The following RGS22 variants were observed in gnomAD, a reference collection of about 807,000 sequenced individuals.
RGS22 encodes regulator of G protein signaling 22, also known as regulator of G-protein signaling 22.
In RGS22, 148 loss-of-function variants were observed where a neutral mutation model predicts 172.9. The observed-to-expected ratio is 0.86, with a 90% CI of 0.75 to 0.98. The LOEUF (loss-of-function observed/expected upper bound fraction) is 0.98. RGS22 is among the 50% of genes least tolerant of loss of function. RGS22 has a pLI of 0.00. For synonymous variants in RGS22, 458 were observed against 480.2 expected, an observed-to-expected ratio of 0.95 and a Z score of 0.60; for missense variants, 1,347 against 1,440.8, an observed-to-expected ratio of 0.93 and a Z score of 1.05.
intron 21 of RGS22, 115 bp from the exon 22 acceptor site, chr8:99,982,231 G>A: frequency 1.3e-6 from 1 of 764,484 alleles, no homozygotes; most frequent in Non-Finnish European, 2.0e-6. Context: ...AGGTCAAGAA[G>A]GCAGTGGGAT....
intron 14 of RGS22, among the ~76,000 whole-genome samples, chr8:100,017,143 A>T (rs535793506): frequency 1.3e-5 from 2 of 151,540 alleles, no homozygotes; most frequent in Admixed American, 6.6e-5. Context: ...ACTAATTTTT[A>T]AAAAATATTT....
At chr8:100,104,295 G>C (rs1260815871) in intron 2 of RGS22, among the ~76,000 whole-genome samples, 1 of 151,550 alleles carries the variant, frequency 6.6e-6, no homozygotes, top group Non-Finnish European at 1.5e-5. Flanking sequence ...CTCCAGCCTG[G>C]GTGACAGAGA....
chr8:100,057,649 T>A (rs1185791237), intron 9 of RGS22, among the ~76,000 whole-genome samples: 1 of 152,180 alleles, frequency 6.6e-6, no homozygotes. Flanking sequence ...ATGTAAGACA[T>A]CCCTTTGCTC....
intron 9 of RGS22, among the ~76,000 whole-genome samples, chr8:100,059,141 A>G (rs1474035345): frequency 6.6e-6 from 1 of 152,164 alleles, no homozygotes; most frequent in Non-Finnish European, 1.5e-5. Context: ...AAAACATACA[A>G]TGGATACACA....
chr8:100,054,303 A>T (rs1822017629), intron 9 of RGS22: 1 of 153,556 alleles, frequency 6.5e-6, no homozygotes, highest in Non-Finnish European at 1.5e-5. Context: ...CCTTTAAAAT[A>T]GGAAGAATGA....
intron 2 of RGS22, among the ~76,000 whole-genome samples, chr8:100,102,279 G>T (rs983241409): frequency 2.0e-5 from 3 of 152,108 alleles, no homozygotes; most frequent in African/African-American, 7.2e-5. Context: ...ACATCGTATT[G>T]GCCAGAATTT....
At chr8:100,093,241 C>A in intron 3 of RGS22, 3 of 452,420 alleles carry the variant, frequency 6.6e-6, no homozygotes, top group African/African-American at 2.0e-5. Context: ...GTTAGAAAAA[C>A]TCCAGATTTC....
rs1386167478 is a variant in RGS22, at chr8:100,066,250, C to T, written c.641G>A (p.Ser214Asn). ...TKDWFALAKQ[S>N]QQTVSTFSLP... ...CGAAAAGGTTGATACTGTTTGCTGA[C>T]TTTGTTTTGCTAATGCAAACCAATC... The change falls in exon 7 of 28, where the codon AGT (serine) becomes AAT (asparagine). Residue 214 changes from serine to asparagine, a missense_variant. Transcript: ENST00000360863. The T allele has an allele frequency of 1.9e-6, 3 of 1,613,296 alleles. No individual in the cohort carries two copies. Among genetic ancestry groups the T allele is most frequent in the Admixed American group, 1.7e-5 (1 of 59,994 alleles).
At chr8:99,987,195 G>A (rs533518477) in intron 21 of RGS22, among the ~76,000 whole-genome samples, 2 of 152,236 alleles carry the variant, frequency 1.3e-5, no homozygotes, top group African/African-American at 4.8e-5. Flanking sequence ...AGATTTTGGA[G>A]CATTTCAGGT....
chr8:100,032,545 T>C (rs921029370), intron 14 of RGS22, among the ~76,000 whole-genome samples: 2 of 152,034 alleles, frequency 1.3e-5, no homozygotes, highest in African/African-American at 4.8e-5. Context: ...CAAAGAGACT[T>C]AGACTCCCAC....
intron 14 of RGS22, among the ~76,000 whole-genome samples, chr8:100,019,990 T>C (rs1381554100): frequency 6.6e-6 from 1 of 152,040 alleles, no homozygotes; most frequent in Non-Finnish European, 1.5e-5. Context: ...GTTCAAGCAA[T>C]TCTCCTGCCT....
chr8:100,062,823 A>G, intron 8 of RGS22, 71 bp from the exon 9 acceptor site: 1 of 1,217,734 alleles, frequency 8.2e-7, no homozygotes, highest in East Asian at 2.4e-5. Context: ...AATGTAGTTG[A>G]ATATTCAGGA....
chr8:99,992,451 A>G (rs1813860529), intron 20 of RGS22, among the ~76,000 whole-genome samples: 1 of 152,198 alleles, frequency 6.6e-6, no homozygotes, highest in South Asian at 2.1e-4. Context: ...AGCAAAAAAA[A>G]GCAGGGTTTG....
chr8:99,995,284 T>C (rs867563530), intron 20 of RGS22, among the ~76,000 whole-genome samples: 1 of 152,206 alleles, frequency 6.6e-6, no homozygotes, highest in Middle Eastern at 3.4e-3. Context: ...ATTAAACTAA[T>C]GAGTTTCTGC....
At chr8:99,999,869 G>T (rs1814840135) in intron 18 of RGS22, among the ~76,000 whole-genome samples, 1 of 152,144 alleles carries the variant, frequency 6.6e-6, no homozygotes, top group African/African-American at 2.4e-5. Context: ...CGACAACCTT[G>T]ACTCAGATAT....
At chr8:100,064,631 G>A (rs1040548990) in intron 7 of RGS22, among the ~76,000 whole-genome samples, 1 of 152,018 alleles carries the variant, frequency 6.6e-6, no homozygotes, top group African/African-American at 2.4e-5. Context: ...ACACACAGAA[G>A]ATATACAAAA....
intron 26 of RGS22, 102 bp from the exon 27 acceptor site, chr8:99,962,545 T>A: frequency 1.4e-6 from 2 of 1,439,714 alleles, no homozygotes; most frequent in Non-Finnish European, 1.9e-6. Flanking sequence ...CACGGAGAAA[T>A]TCTCCTAAGT....
chr8:100,038,937 T>C lies in RGS22; in HGVS notation c.2160A>G (p.Gln720=), dbSNP rs1819800425. 2 of 1,604,932 alleles carry C rather than the reference T, an allele frequency of 1.2e-6. No individual in the cohort carries two copies. The highest frequency in any genetic ancestry group is 2.7e-5 in the African/African-American group (2 of 74,868). Residue 720 remains glutamine (Q), a synonymous_variant, in exon 14 of 28, where the codon CAA becomes CAG. Coordinates refer to ENST00000360863, the MANE Select transcript of RGS22 (RefSeq NM_015668.5). ...AATATTATTTACTACGTACTTGCGC[T>C]TGCTTGCATACTTTAAAAGGCTGAA... ...ETLQPFKVCK[Q]AQYLFATYVA...
intron 25 of RGS22, 29 bp downstream of exon 25, chr8:99,962,856 T>C: frequency 6.3e-7 from 1 of 1,580,476 alleles, no homozygotes; most frequent in Non-Finnish European, 8.5e-7. Context: ...GATAAAAAAG[T>C]AAACTTGTAG....
Sources: allele counts gnomAD v4.1 joint callset (sites outside exome capture counted in the v4.1 genomes callset), GRCh38; gene constraint gnomAD v4.1.1; transcripts MANE v1.5; gene names NCBI Gene and HGNC (gene_info 2026-07-23, HGNC 2026-07-21).